Variants in MAGI2 observed in about 807,000 individuals in gnomAD.
MAGI2 encodes the protein membrane-associated guanylate kinase, WW and PDZ domain-containing protein 2.
A neutral mutation model predicts 133.3 loss-of-function variants in MAGI2; 35 were observed. The ratio of observed to expected loss-of-function variants is 0.26; its 90% CI spans 0.20 to 0.35. The LOEUF is 0.35. Among genes scored for constraint, MAGI2 ranks in the 10% least tolerant of loss-of-function variants. The pLI, the probability that MAGI2 is intolerant of heterozygous loss-of-function variation, is 1.00. For missense variants in MAGI2, 1,636 were observed against 1,863.4 expected, an observed-to-expected ratio of 0.88 and a Z score of 2.25; for synonymous variants, 729 against 710.6, an observed-to-expected ratio of 1.03 and a Z score of -0.41.
intron 1 of MAGI2, among the ~76,000 whole-genome samples, chr7:79,205,523 T>A (rs192425517): frequency 6.6e-6 from 1 of 151,896 alleles, no homozygotes; most frequent in African/African-American, 2.4e-5. Flanking sequence ...CAGACACTAA[T>A]ATGTAATATG....
chr7:79,002,155 A>G (rs1806930152), intron 2 of MAGI2, among the ~76,000 whole-genome samples: 1 of 146,956 alleles, frequency 6.8e-6, no homozygotes, highest in Admixed American at 6.8e-5. Flanking sequence ...TTTTTTAGAC[A>G]GAGTCTCACT....
At chr7:79,387,853 C>T (rs149107606) in intron 1 of MAGI2, among the ~76,000 whole-genome samples, 2 of 151,722 alleles carry the variant, frequency 1.3e-5, no homozygotes, top group Non-Finnish European at 2.9e-5. Context: ...TTTCAAAAAA[C>T]AAACTATAGC....
intron 2 of MAGI2, among the ~76,000 whole-genome samples, chr7:78,850,990 T>C (rs993180328): frequency 1.3e-5 from 2 of 152,128 alleles, no homozygotes; most frequent in African/African-American, 2.4e-5. Flanking sequence ...GGATGTCTTT[T>C]TTGATTGTCT....
At chr7:78,810,486 CAG>C (rs1310205417) in intron 2 of MAGI2, among the ~76,000 whole-genome samples, 1 of 152,116 alleles carries the variant, frequency 6.6e-6, no homozygotes, top group Non-Finnish European at 1.5e-5. Flanking sequence ...TTAATATAAA[CAG>C]AGTCCTCAGA....
At chr7:78,296,623 C>T (rs549462081) in intron 9 of MAGI2, among the ~76,000 whole-genome samples, 454 of 152,120 alleles carry the variant, frequency 3.0e-3, no homozygotes, top group Admixed American at 5.0e-3. Flanking sequence ...ATATTTTTTT[C>T]GGTGAATAAA....
chr7:78,946,622 C>T (rs542305363), intron 2 of MAGI2: 2 of 152,228 alleles, frequency 1.3e-5, no homozygotes. Context: ...TTTCATGCAC[C>T]TTAGAGGTGG....
chr7:78,283,413 C>T (rs1261204404), intron 9 of MAGI2, among the ~76,000 whole-genome samples: 1 of 151,932 alleles, frequency 6.6e-6, no homozygotes, highest in Non-Finnish European at 1.5e-5. Context: ...GTAGTATTTG[C>T]CAAGAAAGAA....
At chr7:78,349,713 T>C (rs1791296745) in intron 7 of MAGI2, among the ~76,000 whole-genome samples, 1 of 152,204 alleles carries the variant, frequency 6.6e-6, no homozygotes, top group Non-Finnish European at 1.5e-5. Flanking sequence ...AACATTTCCA[T>C]TGTCACAAAT....
intron 1 of MAGI2, among the ~76,000 whole-genome samples, chr7:79,171,859 C>G (rs1825656827): frequency 6.8e-6 from 1 of 147,736 alleles, no homozygotes; most frequent in Non-Finnish European, 1.5e-5. Context: ...ATTTCTCATC[C>G]CAACATACAC....
intron 17 of MAGI2, chr7:78,134,735 C>T: frequency 3.6e-6 from 1 of 278,282 alleles, no homozygotes; most frequent in South Asian, 1.0e-4. Flanking sequence ...AAGTGGGGGC[C>T]CACAGGGAAT....
chr7:78,750,637 A>C (rs1488496698), intron 2 of MAGI2, among the ~76,000 whole-genome samples: 1 of 152,192 alleles, frequency 6.6e-6, no homozygotes, highest in Non-Finnish European at 1.5e-5. Context: ...AAGCAAATAC[A>C]TTAGGAAGAT....
chr7:78,945,574 A>T (rs1455906313), intron 2 of MAGI2, among the ~76,000 whole-genome samples: 1 of 152,210 alleles, frequency 6.6e-6, no homozygotes, highest in Non-Finnish European at 1.5e-5. Flanking sequence ...ACCTTGCTGT[A>T]CAATAGATTC....
intron 2 of MAGI2, among the ~76,000 whole-genome samples, chr7:78,662,935 C>G (rs922534274): frequency 1.3e-5 from 2 of 152,152 alleles, no homozygotes; most frequent in Non-Finnish European, 2.9e-5. Context: ...CCCAAAATCA[C>G]TTACAGAATA....
At chr7:79,324,620 A>T (rs10249945) in intron 1 of MAGI2, among the ~76,000 whole-genome samples, 1 of 54,106 alleles carries the variant, frequency 1.8e-5, no homozygotes, top group African/African-American at 8.4e-5. Flanking sequence ...AATATATATA[A>T]TATATATATT....
At chr7:78,900,176 A>G (rs1419071379) in intron 2 of MAGI2, among the ~76,000 whole-genome samples, 1 of 152,182 alleles carries the variant, frequency 6.6e-6, no homozygotes, top group Non-Finnish European at 1.5e-5. Context: ...AACCACTACC[A>G]TATCAAGATG....
At position 78,863,296 on chromosome 7, in the gene MAGI2, G is replaced by A. The variant is rs141346349; in HGVS notation, c.418+143794C>T. 2.4e-3 allele frequency among the ~76,000 whole-genome samples: 364 copies of A among 152,316 alleles called. 3 individuals are homozygous for A. The highest frequency in any genetic ancestry group is 8.3e-3 in the African/African-American group (345 of 41,570). On this transcript the variant is annotated intron_variant, in intron 2 of 21. Transcript: ENST00000354212. ...AATACCTGAGGCTGGGTGACTTGTA[G>A]AGGAGTTTATTTAGCTTATGACTTT...
intron 4 of MAGI2, among the ~76,000 whole-genome samples, chr7:78,503,606 C>T (rs1211797163): frequency 1.8e-3 from 191 of 104,518 alleles, no homozygotes; most frequent in African/African-American, 6.7e-3. Context: ...TCCTCCTTCT[C>T]CCCCTCCTTC....
chr7:79,363,507 A>C (rs770177648), intron 1 of MAGI2, among the ~76,000 whole-genome samples: 1 of 151,144 alleles, frequency 6.6e-6, no homozygotes, highest in Non-Finnish European at 1.5e-5. Context: ...CAAAATAGCT[A>C]AAGTGATTTT....
At chr7:78,235,074 TAA>T (rs1790387674) in intron 10 of MAGI2, among the ~76,000 whole-genome samples, 2 of 152,278 alleles carry the variant, frequency 1.3e-5, no homozygotes, top group South Asian at 4.1e-4. Context: ...TTTTGCTTTT[TAA>T]AAAAGTCTCC....
Sources: gnomAD v4.1 joint callset for allele counts (sites outside exome capture counted in the v4.1 genomes callset) on GRCh38, gnomAD v4.1.1 for gene constraint, MANE v1.5 for transcripts, NCBI Gene and HGNC (gene_info 2026-07-23, HGNC 2026-07-21) for gene names.